The following SUPT3H variants were observed in gnomAD, a reference collection of about 807,000 sequenced individuals.
SUPT3H encodes SPT3 homolog, SAGA and STAGA complex component, also known as transcription initiation protein SPT3 homolog.
A neutral mutation model predicts 44.3 loss-of-function variants in SUPT3H; 44 were observed. The ratio of observed to expected loss-of-function variants is 0.99; its 90% CI spans 0.78 to 1.28. The LOEUF (loss-of-function observed/expected upper bound fraction) is 1.28. Ranked by LOEUF, SUPT3H falls within the 50% of genes most tolerant of loss-of-function variation. The pLI, the probability that SUPT3H is intolerant of heterozygous loss-of-function variation, is 0.00. For synonymous variants in SUPT3H, 124 were observed against 125.6 expected, an observed-to-expected ratio of 0.99 and a Z score of 0.09; for missense variants, 380 against 387.1, an observed-to-expected ratio of 0.98 and a Z score of 0.15.
Position 45,276,974 on chromosome 6 carries a change from C to T in SUPT3H, c.101+88227G>A, listed in dbSNP as rs116206755. On this transcript the variant is annotated intron_variant, in intron 2 of 10. Coordinates refer to ENST00000371459, the MANE Select transcript of SUPT3H (RefSeq NM_003599.4). The stretch of plus-strand genomic sequence containing the variant: ...AATTACAATACTTCCAAAGATAAAA[C>T]ACATTTCTATTTTCTATAAGCTTTT... Among the ~76,000 whole-genome samples, 674 of 152,274 alleles carry T rather than the reference C, an allele frequency of 4.4e-3. 5 individuals are homozygous for T. Among genetic ancestry groups the T allele is most frequent in the African/African-American group, 0.016 (647 of 41,568 alleles).
intron 2 of SUPT3H, among the ~76,000 whole-genome samples, chr6:45,220,040 CAAAAAA>C (rs67960187): frequency 3.0e-5 from 1 of 33,010 alleles, no homozygotes; most frequent in African/African-American, 1.4e-4. Context: ...GACTCTGTCT[CAAAAAA>C]AAAAAAAAAA....
At chr6:45,082,441 AACTG>A (rs560008657) in intron 3 of SUPT3H, among the ~76,000 whole-genome samples, 237 of 152,312 alleles carry the variant, frequency 1.6e-3, no homozygotes, top group African/African-American at 5.5e-3. Flanking sequence ...TCAAAAAGTT[AACTG>A]ACCACGATCA....
At chr6:45,191,094 T>C (rs1815053119) in intron 2 of SUPT3H, among the ~76,000 whole-genome samples, 1 of 152,144 alleles carries the variant, frequency 6.6e-6, no homozygotes, top group Non-Finnish European at 1.5e-5. Flanking sequence ...AAAAAACTTA[T>C]GTCCACATAT....
At chr6:45,205,563 G>A (rs561050397) in intron 2 of SUPT3H, among the ~76,000 whole-genome samples, 28 of 152,268 alleles carry the variant, frequency 1.8e-4, no homozygotes, top group South Asian at 1.2e-3. Context: ...TTGGGAGGCC[G>A]AGGATGGCGG....
chr6:45,012,924 A>G (rs1217772232), intron 5 of SUPT3H, among the ~76,000 whole-genome samples: 3 of 152,132 alleles, frequency 2.0e-5, no homozygotes, highest in Non-Finnish European at 4.4e-5. Flanking sequence ...TTGAGTATGC[A>G]AACAATCTCC....
intron 3 of SUPT3H, among the ~76,000 whole-genome samples, chr6:45,021,134 A>G (rs895714565): frequency 6.6e-6 from 1 of 151,938 alleles, no homozygotes; most frequent in Non-Finnish European, 1.5e-5. Context: ...GCAAGTCTTC[A>G]GTGGGTAAAG....
intron 5 of SUPT3H, among the ~76,000 whole-genome samples, chr6:45,010,347 T>C (rs766227304): frequency 2.6e-5 from 4 of 152,144 alleles, no homozygotes; most frequent in African/African-American, 9.7e-5. Context: ...ACTAAACACC[T>C]GGCTAAAACC....
At chr6:45,139,789 G>C (rs909312867) in intron 2 of SUPT3H, among the ~76,000 whole-genome samples, 2 of 152,138 alleles carry the variant, frequency 1.3e-5, no homozygotes, top group African/African-American at 2.4e-5. Flanking sequence ...TATCTCACAG[G>C]GGCCCTTAGG....
chr6:44,981,347 G>A (rs374460645), intron 6 of SUPT3H, among the ~76,000 whole-genome samples: 11 of 152,166 alleles, frequency 7.2e-5, no homozygotes, highest in South Asian at 4.2e-4. Flanking sequence ...CATTTTTGTC[G>A]TTTTATTTTG....
rs185285664 is a variant in SUPT3H at position 45,069,145 on chromosome 6, G to A, written c.186+36777C>T. On this transcript the variant is annotated intron_variant, in intron 3 of 10. Transcript: ENST00000371459. Reference sequence around the variant, plus strand: ...TGAATTAGAAGGTGAAGGATAAAGAGGGATTATCTGTGGCCTTGTAACCAA... The same window carrying A: ...TGAATTAGAAGGTGAAGGATAAAGAAGGATTATCTGTGGCCTTGTAACCAA... Among the ~76,000 whole-genome samples, 8 of 152,252 alleles carry A rather than the reference G, an allele frequency of 5.3e-5. No homozygotes were observed. The East Asian group carries it at 1.5e-3, about 29-fold the overall frequency.
chr6:45,074,587 G>T (rs1469022543), intron 3 of SUPT3H, among the ~76,000 whole-genome samples: 1 of 151,910 alleles, frequency 6.6e-6, no homozygotes, highest in Non-Finnish European at 1.5e-5. Context: ...ACACAAAAGG[G>T]CACACTCTAT....
rs1770021916 is a variant in SUPT3H at position 44,928,888 on chromosome 6, AAAAAAAAAAAAAAAAAG to A, written c.912+3748_912+3764del. The stretch of plus-strand genomic sequence containing the variant: ...ACAGAACGAGACTCCGTCTCAAAAA[AAAAAAAAAAAAAAAAAG>A]AAAAGAAAAGAAACAAATCACCAAT... On this transcript the variant is annotated intron_variant, in intron 10 of 10. Transcript: ENST00000371459. Among the ~76,000 whole-genome samples, 11 of 129,728 alleles carry A rather than the reference AAAAAAAAAAAAAAAAAG, an allele frequency of 8.5e-5. 1 individual carries two copies. In the South Asian group the frequency reaches 3.0e-3, roughly 35 times the overall value. 85.1% of individuals were successfully genotyped at this position (129,728 alleles called of 152,430 possible). A position where few individuals can be genotyped will look rare whatever the true frequency, so the allele number is the denominator to read the frequency against.
chr6:45,376,560 A>G (rs1411110323), intron 1 of SUPT3H, among the ~76,000 whole-genome samples: 1 of 152,236 alleles, frequency 6.6e-6, no homozygotes, highest in African/African-American at 2.4e-5. Context: ...CATCTCCATC[A>G]AGGCAGAAAC....
chr6:45,058,486 T>G (rs1384128464), intron 3 of SUPT3H, among the ~76,000 whole-genome samples: 6 of 152,184 alleles, frequency 3.9e-5, no homozygotes, highest in African/African-American at 1.4e-4. Context: ...GGATGCAAAG[T>G]ACTTAGTACA....
At chr6:45,129,330 G>A (rs953227247) in intron 2 of SUPT3H, among the ~76,000 whole-genome samples, 1 of 152,174 alleles carries the variant, frequency 6.6e-6, no homozygotes, top group Non-Finnish European at 1.5e-5. Context: ...GGATAAAGAA[G>A]TTTTCATTTG....
At chr6:45,086,349 T>A (rs145139225) in intron 3 of SUPT3H, among the ~76,000 whole-genome samples, 296 of 152,124 alleles carry the variant, frequency 1.9e-3, no homozygotes, top group African/African-American at 6.7e-3. Context: ...CTAGGAAATC[T>A]GGGGCATTAA....
At chr6:45,046,486 A>G (rs1789416178) in intron 3 of SUPT3H, among the ~76,000 whole-genome samples, 1 of 152,038 alleles carries the variant, frequency 6.6e-6, no homozygotes, top group African/African-American at 2.4e-5. Flanking sequence ...GTACACCACC[A>G]CGCCAGGCTA....
At chr6:45,316,125 G>A (rs1784661029) in intron 2 of SUPT3H, among the ~76,000 whole-genome samples, 1 of 152,162 alleles carries the variant, frequency 6.6e-6, no homozygotes. Context: ...ACTAAGCTAT[G>A]AGGACACAAA....
At chr6:45,342,482 ATCT>A (rs1790000662) in intron 2 of SUPT3H, among the ~76,000 whole-genome samples, 1 of 152,094 alleles carries the variant, frequency 6.6e-6, no homozygotes. Flanking sequence ...GATGGTCTCG[ATCT>A]TCTGACCTCG....
Sources: allele counts gnomAD v4.1 joint callset (sites outside exome capture counted in the v4.1 genomes callset), GRCh38; gene constraint gnomAD v4.1.1; transcripts MANE v1.5; gene names NCBI Gene and HGNC (gene_info 2026-07-23, HGNC 2026-07-21).